The following YWHAE variants were observed in gnomAD, a reference collection of about 807,000 sequenced individuals.
YWHAE encodes the protein 14-3-3 protein epsilon.
YWHAE carries 4 observed loss-of-function variants against 30.1 expected under a neutral mutation model. That is an observed-to-expected ratio of 0.13 (90% CI 0.07 to 0.30). The LOEUF is 0.30. Among genes scored for constraint, YWHAE ranks in the 10% least tolerant of loss-of-function variants. The pLI is 1.00. For synonymous variants in YWHAE, 118 were observed against 111.8 expected, an observed-to-expected ratio of 1.06 and a Z score of -0.35; for missense variants, 121 against 315.9, an observed-to-expected ratio of 0.38 and a Z score of 4.68.
chr17:1,393,426 A>AACT (rs1292761210), intron 1 of YWHAE, among the ~76,000 whole-genome samples: 4 of 152,082 alleles, frequency 2.6e-5, no homozygotes, highest in African/African-American at 7.2e-5. Flanking sequence ...CATTATGATA[A>AACT]ACTACGGGGC....
rs181441723 is a variant in YWHAE, at chr17:1,355,530, G to T, written c.579-1183C>A. ...TTTAATTTCACGTTAATGGAGGCAG[G>T]GAAGCAAAGAAAATAAAAGGCAACA... On this transcript the variant is annotated intron_variant, in intron 4 of 5. Transcript: ENST00000264335. 7.7e-3 allele frequency among the ~76,000 whole-genome samples: 1,160 copies of T among 151,400 alleles called. 9 individuals carry two copies. The highest frequency in any genetic ancestry group is 0.034 in the Middle Eastern group (10 of 292).
chr17:1,366,543 AAAAG>A (rs1237906708), intron 1 of YWHAE, among the ~76,000 whole-genome samples: 2 of 152,200 alleles, frequency 1.3e-5, no homozygotes, highest in African/African-American at 2.4e-5. Flanking sequence ...AAAAAAAACC[AAAAG>A]AAAGAATCTG....
chr17:1,365,196 T>A, intron 1 of YWHAE, 138 bp from the exon 2 acceptor site: 1 of 1,033,078 alleles, frequency 9.7e-7, no homozygotes, highest in Non-Finnish European at 1.4e-6. Flanking sequence ...TCAAAACTAA[T>A]ATGAGTAAAA....
chr17:1,349,779 A>AT (rs539846046), intron 5 of YWHAE, among the ~76,000 whole-genome samples: 2,143 of 151,192 alleles, frequency 0.014, 61 homozygotes, highest in African/African-American at 0.049. Context: ...CGCCCGGGTA[A>AT]TTTTTTTTGT....
chr17:1,364,834 G>T (rs2072919555), intron 2 of YWHAE, 25 bp downstream of exon 2: 1 of 1,613,648 alleles, frequency 6.2e-7, no homozygotes, highest in Non-Finnish European at 8.5e-7. Flanking sequence ...GTGGATAAGG[G>T]GGGATGATGG....
intron 1 of YWHAE, among the ~76,000 whole-genome samples, chr17:1,368,788 A>C (rs948155292): frequency 2.8e-4 from 42 of 152,346 alleles, no homozygotes; most frequent in African/African-American, 9.9e-4. Context: ...GCCTGTAATT[A>C]AACTTTCTAA....
chr17:1,365,786 C>T (rs2072932623), intron 1 of YWHAE, among the ~76,000 whole-genome samples: 1 of 152,070 alleles, frequency 6.6e-6, no homozygotes, highest in Admixed American at 6.6e-5. Flanking sequence ...CCAACATTAC[C>T]CACGTTTCAA....
chr17:1,396,449 G>C (rs2073473190), intron 1 of YWHAE, among the ~76,000 whole-genome samples: 1 of 152,036 alleles, frequency 6.6e-6, no homozygotes, highest in Non-Finnish European at 1.5e-5. Context: ...CAGCTCTCAA[G>C]TAAATGACTC....
chr17:1,389,795 C>G (rs879285952), intron 1 of YWHAE, among the ~76,000 whole-genome samples: 2 of 151,406 alleles, frequency 1.3e-5, no homozygotes, highest in Non-Finnish European at 2.9e-5. Flanking sequence ...CTCCCAAAGT[C>G]CTGGGATTAC....
intron 1 of YWHAE, among the ~76,000 whole-genome samples, chr17:1,392,195 A>G (rs556233479): frequency 1.3e-5 from 2 of 152,216 alleles, no homozygotes; most frequent in African/African-American, 4.8e-5. Flanking sequence ...GGGAAAAAAG[A>G]AAAAGAAAAA....
chr17:1,348,404 A>C (rs1297320991), intron 5 of YWHAE, among the ~76,000 whole-genome samples: 2 of 152,180 alleles, frequency 1.3e-5, no homozygotes, highest in African/African-American at 4.8e-5. Flanking sequence ...CTCCCTTTAA[A>C]GAAATTATGT....
intron 1 of YWHAE, among the ~76,000 whole-genome samples, chr17:1,393,870 C>T (rs778359019): frequency 2.0e-4 from 30 of 152,078 alleles, no homozygotes; most frequent in Non-Finnish European, 4.0e-4. Context: ...TTTAATTTCG[C>T]TGTGCCTTGA....
At position 1,381,519 on chromosome 17, in the gene YWHAE, A is replaced by G. The variant is rs148071103; in HGVS notation, c.65-16461T>C. 1.9e-3 allele frequency among the ~76,000 whole-genome samples: 295 copies of G among 152,276 alleles called. 1 individual carries two copies. Among genetic ancestry groups the G allele is most frequent in the African/African-American group, 6.8e-3 (283 of 41,568 alleles). On this transcript the variant is annotated intron_variant, in intron 1 of 5. Coordinates refer to ENST00000264335, the MANE Select transcript of YWHAE (RefSeq NM_006761.5). ...ACAAGACTCATCTCCAAATAAATCA[A>G]TAAACTCAAAAAAATAAGTAAATAA...
intron 4 of YWHAE, among the ~76,000 whole-genome samples, chr17:1,354,951 C>T (rs1356207232): frequency 1.4e-5 from 2 of 138,048 alleles, no homozygotes; most frequent in Non-Finnish European, 3.1e-5. Context: ...CGTGAGCCAC[C>T]GCGCCCAGCC....
In YWHAE at chr17:1,348,729, A is replaced by C. The variant is rs555461988; in HGVS notation, c.716-3230T>G. Among the ~76,000 whole-genome samples the C allele has an allele frequency of 1.5e-3, 231 of 152,314 alleles. 1 individual carries two copies. The highest frequency in any genetic ancestry group is 2.9e-3 in the Non-Finnish European group (194 of 68,024). On this transcript the variant is annotated intron_variant, in intron 5 of 5. Transcript: ENST00000264335. ...ACCATTGCAGTTTCAAAACCAATTT[A>C]TTAAAAAATGTAGGCCGGGAACAGT...
At chr17:1,383,336 G>A (rs1318951446) in intron 1 of YWHAE, among the ~76,000 whole-genome samples, 2 of 151,738 alleles carry the variant, frequency 1.3e-5, no homozygotes, top group Non-Finnish European at 2.9e-5. Flanking sequence ...GGCAACAAGA[G>A]CGAAACTCCG....
At chr17:1,351,646 TG>T (rs2072635248) in intron 5 of YWHAE, among the ~76,000 whole-genome samples, 1 of 152,126 alleles carries the variant, frequency 6.6e-6, no homozygotes, top group Non-Finnish European at 1.5e-5. Context: ...TTTTCTTCCC[TG>T]AAGAGATGGC....
At chr17:1,392,556 A>G (rs1272797039) in intron 1 of YWHAE, among the ~76,000 whole-genome samples, 2 of 152,106 alleles carry the variant, frequency 1.3e-5, no homozygotes, top group East Asian at 1.9e-4. Flanking sequence ...TAGAAGTTGT[A>G]TGTCTATATC....
At chr17:1,381,211 C>A (rs2073200803) in intron 1 of YWHAE, among the ~76,000 whole-genome samples, 1 of 152,220 alleles carries the variant, frequency 6.6e-6, no homozygotes, top group East Asian at 1.9e-4. Flanking sequence ...AACCCCACCT[C>A]CACTAAAAAT....
Sources: allele counts gnomAD v4.1 joint callset (sites outside exome capture counted in the v4.1 genomes callset), GRCh38; gene constraint gnomAD v4.1.1; transcripts MANE v1.5; gene names NCBI Gene and HGNC (gene_info 2026-07-23, HGNC 2026-07-21).